The following NRG3 variants were observed in gnomAD, a reference collection of about 807,000 sequenced individuals.
NRG3 encodes pro-neuregulin-3, membrane-bound isoform.
In NRG3, 31 loss-of-function variants were observed where a neutral mutation model predicts 66.9. The observed-to-expected ratio is 0.46, with a 90% CI of 0.35 to 0.63. NRG3 has a LOEUF of 0.63. Among genes scored for constraint, NRG3 ranks in the 20% least tolerant of loss-of-function variants. NRG3 has a pLI of 0.00. For missense variants in NRG3, 910 were observed against 878.9 expected, an observed-to-expected ratio of 1.04 and a Z score of -0.45; for synonymous variants, 393 against 359.4, an observed-to-expected ratio of 1.09 and a Z score of -1.06.
chr10:82,386,685 A>T (rs1290040703), intron 2 of NRG3, among the ~76,000 whole-genome samples: 1 of 152,222 alleles, frequency 6.6e-6, no homozygotes, highest in East Asian at 1.9e-4. Flanking sequence ...TCAGAGACAC[A>T]TTAAAAATAA....
chr10:82,031,577 A>G (rs2062569264), intron 1 of NRG3, among the ~76,000 whole-genome samples: 1 of 152,144 alleles, frequency 6.6e-6, no homozygotes, highest in Non-Finnish European at 1.5e-5. Flanking sequence ...TCTTTTTTTA[A>G]CAAAAGGAAT....
At chr10:82,093,400 A>G (rs2066146520) in intron 1 of NRG3, among the ~76,000 whole-genome samples, 1 of 152,218 alleles carries the variant, frequency 6.6e-6, no homozygotes, top group South Asian at 2.1e-4. Flanking sequence ...TCAGGTGCCA[A>G]TCTCTTTAAC....
chr10:82,294,733 G>C (rs1009069761), intron 1 of NRG3, among the ~76,000 whole-genome samples: 2 of 152,002 alleles, frequency 1.3e-5, no homozygotes, highest in African/African-American at 4.8e-5. Context: ...GATTTTTCCT[G>C]TCTACTCACA....
chr10:82,465,211 C>T (rs756433794), intron 2 of NRG3, among the ~76,000 whole-genome samples: 1 of 152,200 alleles, frequency 6.6e-6, no homozygotes, highest in Non-Finnish European at 1.5e-5. Flanking sequence ...CTTAATTAGG[C>T]TCTGGCTGAA....
intron 1 of NRG3, among the ~76,000 whole-genome samples, chr10:81,890,887 G>C (rs1374166587): frequency 6.6e-6 from 1 of 152,200 alleles, no homozygotes; most frequent in Non-Finnish European, 1.5e-5. Context: ...CTTTGCTGAA[G>C]TTTGCCACTG....
chr10:82,457,777 G>GT (rs1489906923), intron 2 of NRG3, among the ~76,000 whole-genome samples: 1 of 152,166 alleles, frequency 6.6e-6, no homozygotes, highest in Non-Finnish European at 1.5e-5. Context: ...GTCAGTGAAG[G>GT]TTACCGCTGC....
intron 1 of NRG3, among the ~76,000 whole-genome samples, chr10:82,090,138 G>A (rs975100051): frequency 3.3e-5 from 5 of 152,206 alleles, no homozygotes; most frequent in Admixed American, 1.3e-4. Context: ...ACAGACGCAC[G>A]TTACCATGCA....
chr10:82,203,779 A>T (rs1190919803), intron 1 of NRG3, among the ~76,000 whole-genome samples: 2 of 152,208 alleles, frequency 1.3e-5, no homozygotes. Flanking sequence ...ATGAACAAGG[A>T]ATCAACAATG....
intron 1 of NRG3, among the ~76,000 whole-genome samples, chr10:82,246,300 T>A (rs976960395): frequency 6.6e-6 from 1 of 152,206 alleles, no homozygotes; most frequent in Non-Finnish European, 1.5e-5. Flanking sequence ...TTTCACATAC[T>A]GCAAAATGCT....
intron 1 of NRG3, among the ~76,000 whole-genome samples, chr10:81,888,359 C>G (rs1842775647): frequency 6.6e-6 from 1 of 152,042 alleles, no homozygotes; most frequent in Non-Finnish European, 1.5e-5. Flanking sequence ...CATGTAAAAC[C>G]CCACTTGTAT....
intron 4 of NRG3, among the ~76,000 whole-genome samples, chr10:82,907,220 G>A (rs1844823306): frequency 6.6e-6 from 1 of 151,802 alleles, no homozygotes; most frequent in South Asian, 2.1e-4. Flanking sequence ...GTTCACTGGG[G>A]GATAAATTCT....
chr10:82,829,585 G>A (rs1184657732), intron 3 of NRG3, among the ~76,000 whole-genome samples: 2 of 152,122 alleles, frequency 1.3e-5, no homozygotes, highest in African/African-American at 4.8e-5. Flanking sequence ...GTAAGAACTA[G>A]GGAACCAATA....
chr10:82,520,199 G>A (rs972669930), intron 2 of NRG3, among the ~76,000 whole-genome samples: 2 of 149,224 alleles, frequency 1.3e-5, no homozygotes, highest in Non-Finnish European at 3.0e-5. Context: ...CCCTGTAAAT[G>A]TTATTTCAGT....
At chr10:82,598,909 G>T (rs2047444731) in intron 2 of NRG3, among the ~76,000 whole-genome samples, 1 of 152,034 alleles carries the variant, frequency 6.6e-6, no homozygotes, top group African/African-American at 2.4e-5. Context: ...AATTAGCTGG[G>T]CATGGTGGCG....
At chr10:82,962,437 C>T (rs1188295110) in intron 6 of NRG3, among the ~76,000 whole-genome samples, 1 of 152,004 alleles carries the variant, frequency 6.6e-6, no homozygotes, top group African/African-American at 2.4e-5. Context: ...ACCCTTCATA[C>T]CTTTTTTTTC....
chr10:82,841,932 G>C (rs2063073948), intron 3 of NRG3, among the ~76,000 whole-genome samples: 1 of 151,994 alleles, frequency 6.6e-6, no homozygotes, highest in East Asian at 1.9e-4. Context: ...AGGAATTCTG[G>C]CCTCCATATA....
intron 1 of NRG3, among the ~76,000 whole-genome samples, chr10:81,965,301 T>C (rs983139001): frequency 4.6e-5 from 7 of 152,230 alleles, no homozygotes; most frequent in Non-Finnish European, 1.0e-4. Context: ...TCTTTCTATC[T>C]ACTACTTATT....
At chr10:81,967,970 G>T (rs1045959539) in intron 1 of NRG3, among the ~76,000 whole-genome samples, 1 of 152,114 alleles carries the variant, frequency 6.6e-6, no homozygotes, top group Non-Finnish European at 1.5e-5. Flanking sequence ...GTATGTTTAT[G>T]GATATGCATA....
At chr10:81,965,944 G>A (rs2059715389) in intron 1 of NRG3, among the ~76,000 whole-genome samples, 1 of 151,922 alleles carries the variant, frequency 6.6e-6, no homozygotes, top group Admixed American at 6.6e-5. Flanking sequence ...AAGATGATGG[G>A]GAAATCCTTG....
Sources: allele counts gnomAD v4.1 joint callset (sites outside exome capture counted in the v4.1 genomes callset), GRCh38; gene constraint gnomAD v4.1.1; transcripts MANE v1.5; gene names NCBI Gene and HGNC (gene_info 2026-07-23, HGNC 2026-07-21).